GNB1L: variants seen among roughly 807,000 people sequenced by gnomAD.
The protein encoded by GNB1L is G protein subunit beta 1 like.
GNB1L carries 20 observed loss-of-function variants against 29.1 expected under a neutral mutation model. The ratio of observed to expected loss-of-function variants is 0.69; its 90% confidence interval spans 0.48 to 1.00. The LOEUF is 1.00. GNB1L is among the 50% of genes least tolerant of loss of function. The probability of loss-of-function intolerance (pLI) is 0.00; values close to 1 mark genes in which losing one functional copy is unlikely to be tolerated. For missense variants in GNB1L, 421 were observed against 464.9 expected, an observed-to-expected ratio of 0.91 and a Z score of 0.87; for synonymous variants, 193 against 206.5, an observed-to-expected ratio of 0.93 and a Z score of 0.56.
At chr22:19,839,745 T>C (rs1378845104) in intron 2 of GNB1L, among the ~76,000 whole-genome samples, 1 of 152,042 alleles carries the variant, frequency 6.6e-6, no homozygotes, top group African/African-American at 2.4e-5. Context: ...CCAGGCGTGG[T>C]GGCAGGTGCC....
At chr22:19,847,769 G>C in intron 2 of GNB1L, 1 of 896,478 alleles carries the variant, frequency 1.1e-6, no homozygotes. Context: ...CACAACTCTG[G>C]GCATCTAAAA....
At chr22:19,823,006 C>T (rs766576508) in intron 2 of GNB1L, among the ~76,000 whole-genome samples, 2 of 152,138 alleles carry the variant, frequency 1.3e-5, no homozygotes, top group South Asian at 2.1e-4. Flanking sequence ...AGTGCCCAAG[C>T]GGGCGGCATG....
At position 19,788,842 on chromosome 22, in the gene GNB1L, G is replaced by T; in HGVS notation, c.851C>A (p.Thr284Lys). The T allele has an allele frequency of 6.2e-7, 1 of 1,612,620 alleles. No individual in the cohort carries two copies. Among genetic ancestry groups the T allele is most frequent in the Non-Finnish European group, 8.5e-7 (1 of 1,179,882 alleles). ...DHRIRVFHWR[T>K]MQPLAVLAFH... ...GGCCAGCACGGCCAGTGGCTGCATCGTCCGCCAGTGGAACACGCGGATGCG... is the reference window on the plus strand; with the variant it reads ...GGCCAGCACGGCCAGTGGCTGCATCTTCCGCCAGTGGAACACGCGGATGCG... Residue 284 changes from threonine to lysine, a missense_variant, in exon 8 of 8, where the codon ACG (threonine) becomes AAG (lysine). Physicochemically the swap from Thr to Lys is moderately conservative, Grantham distance 78 (BLOSUM62 -1). Coordinates refer to ENST00000329517, the MANE Select transcript of GNB1L (RefSeq NM_053004.3).
rs143337064 is a variant in GNB1L at position 19,851,782 on chromosome 22, C to T, written c.-21+2661G>A. ...CGTAATCGTCAGGCAGGGGCAGGTC[C>T]CCATCAAGGTAGGGGGCTGCCCAGG... On this transcript the variant is annotated intron_variant, in intron 2 of 7. Transcript: ENST00000329517. 8.9e-4 allele frequency: 1,439 copies of T among 1,613,542 alleles called. 4 individuals are homozygous for T. Among genetic ancestry groups the T allele is most frequent in the Non-Finnish European group, 1.1e-3 (1,333 of 1,179,600 alleles).
At chr22:19,844,952 G>T (rs1240381416) in intron 2 of GNB1L, among the ~76,000 whole-genome samples, 1 of 152,238 alleles carries the variant, frequency 6.6e-6, no homozygotes, top group African/African-American at 2.4e-5. Flanking sequence ...CTCACAGAGG[G>T]TGCAGGATGG....
chr22:19,821,369 C>A lies in GNB1L; in HGVS notation c.-14G>T, dbSNP rs765783669. ...GGGGGCCGTCATGCTGGGCAGGATG[C>A]AGTTACCTGGGCACCAAGGGAGGGC... is the stretch of plus-strand genomic sequence containing the variant. On this transcript the variant is annotated 5_prime_UTR_variant, in exon 3 of 8. Coordinates refer to ENST00000329517, the MANE Select transcript of GNB1L (RefSeq NM_053004.3). 3 of 1,610,736 alleles carry A rather than the reference C, an allele frequency of 1.9e-6. No homozygotes were observed. Among genetic ancestry groups the A allele is most frequent in the South Asian group, 1.1e-5 (1 of 90,964 alleles).
intron 2 of GNB1L, among the ~76,000 whole-genome samples, chr22:19,839,805 A>C (rs11913696): frequency 1.3e-5 from 2 of 151,612 alleles, no homozygotes. Flanking sequence ...ACCTGAACCC[A>C]GGAGGTGGAG....
chr22:19,843,812 C>T (rs117384028), intron 2 of GNB1L, among the ~76,000 whole-genome samples: 4,561 of 152,288 alleles, frequency 0.03, 104 homozygotes, highest in Non-Finnish European at 0.045. Context: ...CTGTAGGCCC[C>T]GACGAAGGAC....
At chr22:19,809,304 C>T (rs1223321407) in intron 5 of GNB1L, among the ~76,000 whole-genome samples, 1 of 152,064 alleles carries the variant, frequency 6.6e-6, no homozygotes. Context: ...GGAATCTGGC[C>T]GGGCAGTTGG....
chr22:19,814,518 G>A (rs540536272), intron 4 of GNB1L, among the ~76,000 whole-genome samples: 9 of 152,306 alleles, frequency 5.9e-5, no homozygotes, highest in African/African-American at 2.2e-4. Context: ...GTAAGCAAAA[G>A]CTATACCTTG....
intron 2 of GNB1L, among the ~76,000 whole-genome samples, chr22:19,828,164 T>C (rs549421705): frequency 6.6e-6 from 1 of 152,086 alleles, no homozygotes; most frequent in East Asian, 1.9e-4. Flanking sequence ...TGTCACTCAA[T>C]AAGAAAAAGA....
intron 5 of GNB1L, among the ~76,000 whole-genome samples, chr22:19,811,382 C>A (rs1937498749): frequency 6.6e-6 from 1 of 152,124 alleles, no homozygotes; most frequent in Non-Finnish European, 1.5e-5. Flanking sequence ...GCCCCCTATT[C>A]CATGGTATGT....
intron 4 of GNB1L, among the ~76,000 whole-genome samples, chr22:19,813,208 G>A (rs9618699): frequency 0.025 from 3,881 of 152,204 alleles, 169 homozygotes; most frequent in African/African-American, 0.09. Context: ...GGCGTCTCCC[G>A]GTGCTGTCCA....
chr22:19,805,699 G>A (rs917728763), intron 6 of GNB1L, among the ~76,000 whole-genome samples: 12 of 152,074 alleles, frequency 7.9e-5, no homozygotes, highest in Non-Finnish European at 1.8e-4. Flanking sequence ...GGAGAATGGC[G>A]TGAACCCAGG....
At chr22:19,791,192 C>T (rs890146369) in intron 7 of GNB1L, among the ~76,000 whole-genome samples, 3 of 152,230 alleles carry the variant, frequency 2.0e-5, no homozygotes, top group African/African-American at 7.2e-5. Context: ...GTGATCACAC[C>T]ATTGTACTCC....
intron 2 of GNB1L, among the ~76,000 whole-genome samples, chr22:19,829,607 A>G (rs1434271315): frequency 6.6e-6 from 1 of 152,190 alleles, no homozygotes; most frequent in Non-Finnish European, 1.5e-5. Context: ...TAAGTAAAAT[A>G]TTAGTAAACA....
chr22:19,849,979 G>A (rs2145904972), intron 2 of GNB1L: 1 of 985,348 alleles, frequency 1.0e-6, no homozygotes, highest in Non-Finnish European at 1.2e-6. Flanking sequence ...ATTCCTCTGG[G>A]CCTGGGGCCT....
intron 2 of GNB1L, among the ~76,000 whole-genome samples, chr22:19,844,410 G>A (rs2145899344): frequency 6.6e-6 from 1 of 152,342 alleles, no homozygotes; most frequent in South Asian, 2.1e-4. Context: ...ACAAGGACAT[G>A]GATTAGTTTT....
At chr22:19,812,548 T>C (rs1487622219) in intron 4 of GNB1L, 101 bp from the exon 5 acceptor site, 1 of 1,145,670 alleles carries the variant, frequency 8.7e-7, no homozygotes, top group Non-Finnish European at 1.2e-6. Flanking sequence ...TTCCAGAGAG[T>C]GGGTGCCGTG....
Sources: gnomAD v4.1 joint callset for allele counts (sites outside exome capture counted in the v4.1 genomes callset) on GRCh38, gnomAD v4.1.1 for gene constraint, MANE v1.5 for transcripts, NCBI Gene and HGNC (gene_info 2026-07-23, HGNC 2026-07-21) for gene names.